ZC3H14: variants seen among roughly 807,000 people sequenced by gnomAD.
The protein encoded by ZC3H14 is zinc finger CCCH-type containing 14.
In ZC3H14, 31 loss-of-function variants were observed where a neutral mutation model predicts 92.4. That is an observed-to-expected ratio of 0.34 (90% CI 0.25 to 0.45). ZC3H14 has a LOEUF of 0.45. Among genes scored for constraint, ZC3H14 ranks in the 20% least tolerant of loss-of-function variants. ZC3H14 has a pLI of 1.00. For missense variants in ZC3H14, 781 were observed against 897.3 expected (o/e 0.87, Z 1.66); for synonymous variants, 321 against 300.9 (o/e 1.07, Z -0.69).
At chr14:88,595,938 G>A (rs1243471755) in intron 9 of ZC3H14, among the ~76,000 whole-genome samples, 1 of 152,180 alleles carries the variant, frequency 6.6e-6, no homozygotes, top group East Asian at 1.9e-4. Flanking sequence ...CCTGATGTCT[G>A]CTAAGCGCTG....
chr14:88,625,559 G>A lies in ZC3H14; in HGVS notation c.*13808G>A, dbSNP rs144467179. 0.014 allele frequency: 2,121 copies of A among 155,464 alleles called. 17 individuals are homozygous for A. Among genetic ancestry groups the A allele is most frequent in the Non-Finnish European group, 0.019 (1,356 of 70,176 alleles). 9.6% of individuals were successfully genotyped at this position (155,464 alleles called of 1,614,324 possible). A position where few individuals can be genotyped will look rare whatever the true frequency, so the allele number is the denominator to read the frequency against. Reference sequence around the variant, plus strand: ...TGGGATTACAAGCGCCAGCCACCACGCCCGGCTAATTTTTGTATTTTTAGT... The same window carrying A: ...TGGGATTACAAGCGCCAGCCACCACACCCGGCTAATTTTTGTATTTTTAGT... On this transcript the variant is annotated 3_prime_UTR_variant, in exon 17 of 17. Transcript: ENST00000251038.
At position 88,601,942 on chromosome 14, in the gene ZC3H14, C is replaced by T; in HGVS notation, c.1373C>T (p.Ser458Phe). The part of the protein sequence containing the change: ...QMSQDYYDME[S>F]MVHADTRSFI... ...GGCTCAGATTACTATGACATGGAAT[C>T]CATGGTCCATGCAGACACAAGATCA... The change falls in exon 11 of 17, where the codon TCC (serine) becomes TTC (phenylalanine). Residue 458 changes from serine (S) to phenylalanine (F), a missense_variant. This residue lies in a region of ZC3H14 where 454 missense variants were observed against 438.5 expected (regional missense o/e 1.04). Coordinates refer to ENST00000251038, the MANE Select transcript of ZC3H14 (RefSeq NM_024824.5). The T allele has an allele frequency of 6.2e-7, 1 of 1,614,034 alleles. No homozygotes were observed. Among genetic ancestry groups the T allele is most frequent in the Non-Finnish European group, 8.5e-7 (1 of 1,179,938 alleles).
At chr14:88,581,073 A>G (rs2081853937) in intron 9 of ZC3H14, among the ~76,000 whole-genome samples, 2 of 152,230 alleles carry the variant, frequency 1.3e-5, no homozygotes, top group South Asian at 4.1e-4. Flanking sequence ...CTAATGGAGG[A>G]TGAGCTTCAG....
At chr14:88,589,511 C>G (rs757077864) in intron 9 of ZC3H14, 4 of 152,172 alleles carry the variant, frequency 2.6e-5, no homozygotes, top group Non-Finnish European at 5.9e-5. Flanking sequence ...GGACCTTGCC[C>G]TGAATTCCTC....
rs761877696 is a variant in ZC3H14, at chr14:88,621,098, A to C, written c.*9347A>C. ...AGAAGTTGTAACCTCTTTTAAAAAA[A>C]TTATCTGTACTTACTTTATCAGCAA... On this transcript the variant is annotated 3_prime_UTR_variant, in exon 17 of 17. Transcript: ENST00000251038. 3.1e-6 allele frequency: 5 copies of C among 1,602,028 alleles called. No individual in the cohort carries two copies. The South Asian group carries it at 5.6e-5, about 18-fold the overall frequency.
intron 2 of ZC3H14, among the ~76,000 whole-genome samples, chr14:88,567,144 C>G (rs1181876192): frequency 4.4e-5 from 6 of 134,932 alleles, no homozygotes; most frequent in African/African-American, 1.1e-4. Flanking sequence ...GAGACAGAGT[C>G]TTGCTCTGTT....
rs1364867239 is a variant in ZC3H14, at chr14:88,622,235, T to G, written c.*10484T>G. ...CATTATTTTTTATGGCTGAGTAGTA[T>G]TTCATTGTTTGTTTACTGCACGTTT... On this transcript the variant is annotated 3_prime_UTR_variant, in exon 17 of 17. Transcript: ENST00000251038. The G allele has an allele frequency of 4.0e-5, 7 of 176,652 alleles. No homozygotes were observed. Among genetic ancestry groups the G allele is most frequent in the Non-Finnish European group, 4.8e-5 (4 of 82,994 alleles). 10.9% of individuals were successfully genotyped at this position (176,652 alleles called of 1,614,324 possible). A position where few individuals can be genotyped will look rare whatever the true frequency, so the allele number is the denominator to read the frequency against.
At chr14:88,569,690 G>A (rs182106290) in intron 3 of ZC3H14, among the ~76,000 whole-genome samples, 8 of 152,308 alleles carry the variant, frequency 5.3e-5, no homozygotes, top group Admixed American at 1.3e-4. Flanking sequence ...GCAAGAGGAG[G>A]CACTGAGTGG....
At chr14:88,565,081 A>G (rs1343736354) in intron 2 of ZC3H14, among the ~76,000 whole-genome samples, 1 of 152,218 alleles carries the variant, frequency 6.6e-6, no homozygotes, top group African/African-American at 2.4e-5. Flanking sequence ...CATGAATTTC[A>G]CAGCTTCCCA....
chr14:88,618,625 TGG>T lies in ZC3H14; in HGVS notation c.*6876_*6877del. 6.3e-7 allele frequency: 1 copy of T among 1,586,304 alleles called. No individual in the cohort carries two copies. The highest frequency in any genetic ancestry group is 8.6e-7 in the Non-Finnish European group (1 of 1,168,378). On this transcript the variant is annotated 3_prime_UTR_variant, in exon 17 of 17. Coordinates refer to ENST00000251038, the MANE Select transcript of ZC3H14 (RefSeq NM_024824.5). ...TGTAAAAGCAGAAGAACTTGCCACC[TGG>T]GTATACAGTATTGGTACTGTACCTG...
intron 8 of ZC3H14, among the ~76,000 whole-genome samples, chr14:88,577,507 C>T (rs932973860): frequency 1.3e-5 from 2 of 151,776 alleles, no homozygotes; most frequent in African/African-American, 2.4e-5. Flanking sequence ...ATCTCAGTAA[C>T]GTAAGAAAAA....
intron 2 of ZC3H14, among the ~76,000 whole-genome samples, chr14:88,566,157 G>C (rs2079595165): frequency 6.6e-6 from 1 of 150,964 alleles, no homozygotes; most frequent in Non-Finnish European, 1.5e-5. Context: ...TGGGATTACA[G>C]GTGTGAGCCA....
chr14:88,616,699 A>C lies in ZC3H14; in HGVS notation c.*4948A>C, dbSNP rs938639743. On this transcript the variant is annotated 3_prime_UTR_variant, in exon 17 of 17. Transcript: ENST00000251038. Reference sequence around the variant, plus strand: ...AGACATCAAAATTAGGAGTAAACTGATAATAGTAAACAAAACACAAACTTA... The same window carrying C: ...AGACATCAAAATTAGGAGTAAACTGCTAATAGTAAACAAAACACAAACTTA... The C allele has an allele frequency of 1.3e-6, 2 of 1,598,838 alleles. No homozygotes were observed. The highest frequency in any genetic ancestry group is 2.7e-5 in the African/African-American group (2 of 74,712).
At chr14:88,563,739 A>G (rs747493565) in intron 2 of ZC3H14, 46 bp downstream of exon 2, 2 of 1,576,634 alleles carry the variant, frequency 1.3e-6, no homozygotes, top group Admixed American at 1.7e-5. Context: ...TAGAGTTTGC[A>G]GCTAATAGAA....
At position 88,596,725 on chromosome 14, in the gene ZC3H14, A is replaced by G; in HGVS notation, c.1280-9A>G. The G allele has an allele frequency of 3.1e-6, 5 of 1,613,294 alleles. No individual in the cohort carries two copies. Among genetic ancestry groups the G allele is most frequent in the Non-Finnish European group, 4.2e-6 (5 of 1,179,330 alleles). On this transcript the variant is annotated splice_polypyrimidine_tract_variant and intron_variant, in intron 9 of 16. Coordinates refer to ENST00000251038, the MANE Select transcript of ZC3H14 (RefSeq NM_024824.5). ...TAAGCTTAGTGAAGTTTTAAAATTTATATTCTAGGAACTCAACAGAGGCAA... is the reference window on the plus strand; with the variant it reads ...TAAGCTTAGTGAAGTTTTAAAATTTGTATTCTAGGAACTCAACAGAGGCAA...
rs2088666014 is a variant in ZC3H14 at position 88,620,375 on chromosome 14, G to T, written c.*8624G>T. The T allele has an allele frequency of 6.1e-6, 1 of 164,232 alleles. No individual in the cohort carries two copies. The highest frequency in any genetic ancestry group is 2.0e-4 in the South Asian group (1 of 4,942). 10.2% of individuals were successfully genotyped at this position (164,232 alleles called of 1,614,324 possible). On this transcript the variant is annotated 3_prime_UTR_variant, in exon 17 of 17. Transcript: ENST00000251038. This position sits in a 1 kb window ranked among gnomAD's most constrained non-coding sequence, Gnocchi z 4.3. ...ATGAACTACATATTCCCAAACTGAG[G>T]TTACTAAGAGAAGATATGTTTGAAA...
chr14:88,571,603 T>A (rs1032455045), intron 4 of ZC3H14, among the ~76,000 whole-genome samples: 15 of 152,214 alleles, frequency 9.9e-5, no homozygotes, highest in African/African-American at 2.7e-4. Flanking sequence ...ATTATATTTT[T>A]AAAATTTTCT....
In ZC3H14 at chr14:88,618,108, T is replaced by C; in HGVS notation, c.*6357T>C. 1.5e-6 allele frequency: 1 copy of C among 681,482 alleles called. No homozygotes were observed. Among genetic ancestry groups the C allele is most frequent in the Non-Finnish European group, 2.4e-6 (1 of 417,872 alleles). The allele number at this position is 681,482 out of a possible 1,614,324, so 42.2% of individuals were successfully genotyped here. A position where few individuals can be genotyped will look rare whatever the true frequency, so the allele number is the denominator to read the frequency against. Reference sequence around the variant, plus strand: ...ATGAACATACCATTTCAAAATATGGTAACAAAAACTTGAAACTCAATTACT... The same window carrying C: ...ATGAACATACCATTTCAAAATATGGCAACAAAAACTTGAAACTCAATTACT... On this transcript the variant is annotated 3_prime_UTR_variant, in exon 17 of 17. Transcript: ENST00000251038.
intron 5 of ZC3H14, 30 bp from the exon 6 acceptor site, chr14:88,572,548 T>A: frequency 1.2e-6 from 2 of 1,613,172 alleles, no homozygotes; most frequent in Non-Finnish European, 1.7e-6. Context: ...CTAATTTGGC[T>A]GTAATACATT....
Sources: allele counts gnomAD v4.1 joint callset (sites outside exome capture counted in the v4.1 genomes callset), GRCh38; gene constraint gnomAD v4.1.1; regional missense constraint gnomAD v4.1.1; non-coding constraint Gnocchi (gnomAD v3.1); transcripts MANE v1.5; gene names NCBI Gene and HGNC (gene_info 2026-07-23, HGNC 2026-07-21).